The following MARCHF1 variants were observed in gnomAD, a reference collection of about 807,000 sequenced individuals.
MARCHF1 encodes the protein E3 ubiquitin-protein ligase MARCHF1.
MARCHF1 carries 40 observed loss-of-function variants against 54.2 expected under a neutral mutation model. The ratio of observed to expected loss-of-function variants is 0.74; its 90% CI spans 0.57 to 0.96. The LOEUF (loss-of-function observed/expected upper bound fraction) is 0.96. Ranked by LOEUF, MARCHF1 falls within the 40% of genes least tolerant of loss-of-function variation. The pLI, the probability that MARCHF1 is intolerant of heterozygous loss-of-function variation, is 0.00. For synonymous variants in MARCHF1, 236 were observed against 236.3 expected, an observed-to-expected ratio of 1.00 and a Z score of 0.01; for missense variants, 586 against 656.5, an observed-to-expected ratio of 0.89 and a Z score of 1.17.
At chr4:163,964,496 G>T (rs1026236125) in intron 3 of MARCHF1, among the ~76,000 whole-genome samples, 1 of 151,982 alleles carries the variant, frequency 6.6e-6, no homozygotes, top group African/African-American at 2.4e-5. Context: ...TAAGGCCCAA[G>T]AATTTACATT....
At chr4:164,340,533 G>A (rs956767025) in intron 1 of MARCHF1, among the ~76,000 whole-genome samples, 9 of 149,966 alleles carry the variant, frequency 6.0e-5, no homozygotes, top group Non-Finnish European at 1.2e-4. Context: ...GAGTTCCAGC[G>A]ATTCTCCTGC....
chr4:163,985,899 T>C (rs185042202), intron 3 of MARCHF1, among the ~76,000 whole-genome samples: 6 of 152,260 alleles, frequency 3.9e-5, no homozygotes, highest in Admixed American at 3.3e-4. Context: ...TACAAGATGT[T>C]TTACTTTTCT....
chr4:164,002,379 A>T (rs1175213411), intron 2 of MARCHF1, among the ~76,000 whole-genome samples: 1 of 151,814 alleles, frequency 6.6e-6, no homozygotes, highest in East Asian at 1.9e-4. Context: ...GAAAATATAA[A>T]AAAAGAACAA....
At chr4:163,789,201 T>C (rs1036481569) in intron 4 of MARCHF1, among the ~76,000 whole-genome samples, 3 of 152,040 alleles carry the variant, frequency 2.0e-5, no homozygotes, top group Non-Finnish European at 4.4e-5. Flanking sequence ...TGTTGCTCAT[T>C]AATCTCATAT....
chr4:163,650,317 TAAA>T (rs1742920227), intron 5 of MARCHF1, among the ~76,000 whole-genome samples: 1 of 151,916 alleles, frequency 6.6e-6, no homozygotes, highest in East Asian at 1.9e-4. Flanking sequence ...AGGTTAGAAG[TAAA>T]TATTTATACA....
At chr4:163,547,143 G>T (rs1738938631) in intron 8 of MARCHF1, among the ~76,000 whole-genome samples, 1 of 152,142 alleles carries the variant, frequency 6.6e-6, no homozygotes, top group Non-Finnish European at 1.5e-5. Flanking sequence ...GTACATTGTG[G>T]TACATAAAGT....
intron 1 of MARCHF1, among the ~76,000 whole-genome samples, chr4:164,183,956 A>C (rs1355700371): frequency 6.6e-6 from 1 of 152,244 alleles, no homozygotes; most frequent in East Asian, 1.9e-4. Context: ...CAGAGGAAAG[A>C]GGCAAGAAGA....
intron 1 of MARCHF1, among the ~76,000 whole-genome samples, chr4:164,268,200 A>T (rs1733657898): frequency 6.6e-6 from 1 of 152,108 alleles, no homozygotes; most frequent in Admixed American, 6.6e-5. Flanking sequence ...AATGTGGTTA[A>T]TTTTTTTAAG....
chr4:164,298,243 A>G (rs1163701039), intron 1 of MARCHF1, among the ~76,000 whole-genome samples: 1 of 152,172 alleles, frequency 6.6e-6, no homozygotes, highest in African/African-American at 2.4e-5. Flanking sequence ...ACATAAAAAG[A>G]GTTTTCAAAA....
At chr4:164,305,971 A>C (rs1050480772) in intron 1 of MARCHF1, among the ~76,000 whole-genome samples, 5 of 152,178 alleles carry the variant, frequency 3.3e-5, no homozygotes, top group African/African-American at 1.2e-4. Context: ...AGTCTCTTCA[A>C]ATAATTGATA....
chr4:164,206,313 C>T (rs989543110), intron 1 of MARCHF1, among the ~76,000 whole-genome samples: 9 of 151,952 alleles, frequency 5.9e-5, no homozygotes, highest in East Asian at 1.9e-4. Context: ...AGCAGTTGCC[C>T]GTAATCCCAG....
chr4:164,289,621 G>A (rs4505779), intron 1 of MARCHF1, among the ~76,000 whole-genome samples: 143,257 of 150,270 alleles, frequency 0.95, 68,347 homozygotes, highest in East Asian at 0.99. Context: ...TCAAACCATC[G>A]TTCCCCAGAT....
At chr4:163,639,894 A>G (rs1560991815) in intron 5 of MARCHF1, among the ~76,000 whole-genome samples, 1 of 152,108 alleles carries the variant, frequency 6.6e-6, no homozygotes, top group Non-Finnish European at 1.5e-5. Context: ...GAGTTAGGGG[A>G]TGGAGGTAAG....
chr4:163,852,845 C>T (rs185021623), intron 4 of MARCHF1, among the ~76,000 whole-genome samples: 38 of 152,286 alleles, frequency 2.5e-4, no homozygotes, highest in African/African-American at 8.9e-4. Flanking sequence ...AAAATCCTAA[C>T]CCCCAAGGTG....
At chr4:164,298,367 A>G (rs1298049405) in intron 1 of MARCHF1, among the ~76,000 whole-genome samples, 1 of 151,770 alleles carries the variant, frequency 6.6e-6, no homozygotes, top group Non-Finnish European at 1.5e-5. Context: ...CCTGGGATGT[A>G]GGTTACAACA....
At chr4:163,975,188 T>TCACACACACACACA (rs1227026259) in intron 3 of MARCHF1, among the ~76,000 whole-genome samples, 1 of 133,884 alleles carries the variant, frequency 7.5e-6, no homozygotes, top group African/African-American at 3.4e-5. Flanking sequence ...TCTCTCTCTC[T>TCACACACACACACA]CTCTCTCTCA....
At chr4:164,102,826 G>A (rs1009909321) in intron 2 of MARCHF1, among the ~76,000 whole-genome samples, 111 of 129,814 alleles carry the variant, frequency 8.6e-4, no homozygotes, top group Non-Finnish European at 7.7e-4. Context: ...TGGCAAATTG[G>A]ATAAAGAGTC....
chr4:163,887,449 T>C (rs1750563845), intron 3 of MARCHF1, among the ~76,000 whole-genome samples: 1 of 152,090 alleles, frequency 6.6e-6, no homozygotes, highest in South Asian at 2.1e-4. Context: ...AGTTTGCTAC[T>C]CAGAGGGTGT....
At chr4:164,296,939 T>TA (rs1224038225) in intron 1 of MARCHF1, among the ~76,000 whole-genome samples, 1 of 152,168 alleles carries the variant, frequency 6.6e-6, no homozygotes, top group Non-Finnish European at 1.5e-5. Context: ...GCCTAATAGC[T>TA]AAAAGCAAGT....
Sources: gnomAD v4.1 joint callset for allele counts (sites outside exome capture counted in the v4.1 genomes callset) on GRCh38, gnomAD v4.1.1 for gene constraint, MANE v1.5 for transcripts, NCBI Gene and HGNC (gene_info 2026-07-23, HGNC 2026-07-21) for gene names.